The following FOXP2 variants were observed in gnomAD, a reference collection of about 807,000 sequenced individuals.
The protein encoded by FOXP2 is forkhead box protein P2.
FOXP2 carries 12 observed loss-of-function variants against 115.8 expected under a neutral mutation model. That is an observed-to-expected ratio of 0.10 (90% confidence interval 0.07 to 0.17). The LOEUF (loss-of-function observed/expected upper bound fraction) is 0.17, where lower values mean the gene tolerates loss of function less well. FOXP2 is among the 10% of genes least tolerant of loss of function. The pLI is 1.00. For synonymous variants in FOXP2, 328 were observed against 297.7 expected (o/e 1.10, Z -1.05); for missense variants, 629 against 843.5 (o/e 0.75, Z 3.15).
intron 2 of FOXP2, among the ~76,000 whole-genome samples, chr7:114,304,580 G>T (rs1796960248): frequency 7.0e-6 from 1 of 141,888 alleles, no homozygotes; most frequent in African/African-American, 2.6e-5. Context: ...TGAAACATGA[G>T]AATTGCTTGA....
chr7:114,691,156 G>A lies in FOXP2; in HGVS notation c.*1230G>A, dbSNP rs1443081564. The A allele has an allele frequency of 4.4e-6, 2 of 453,950 alleles. No individual in the cohort carries two copies. The highest frequency in any genetic ancestry group is 6.9e-5 in the East Asian group (1 of 14,394). The allele number at this position is 453,950 out of a possible 1,614,324, so 28.1% of individuals were successfully genotyped here. A position where few individuals can be genotyped will look rare whatever the true frequency, so the allele number is the denominator to read the frequency against. On this transcript the variant is annotated 3_prime_UTR_variant, in exon 17 of 17. Coordinates refer to ENST00000350908, the MANE Select transcript of FOXP2 (RefSeq NM_014491.4). ...TATATATATAGTACTTTGTGTTTTTGTTTTCCCTCATTCAGTCAGTTATTT... is the reference window on the plus strand; with the variant it reads ...TATATATATAGTACTTTGTGTTTTTATTTTCCCTCATTCAGTCAGTTATTT...
chr7:114,415,127 A>C lies in FOXP2; in HGVS notation c.-244A>C. On this transcript the variant is annotated 5_prime_UTR_variant, in exon 1 of 17. Coordinates refer to ENST00000350908, the MANE Select transcript of FOXP2 (RefSeq NM_014491.4). ...TGCTTGATTTGTTTTAATTACCAGC[A>C]CAAAATGCCATCAGTCTGGGACGTG... 1 of 454,354 alleles carries C rather than the reference A, an allele frequency of 2.2e-6. No homozygotes were observed. Among genetic ancestry groups the C allele is most frequent in the Non-Finnish European group, 4.4e-6 (1 of 226,698 alleles). The allele number at this position is 454,354 out of a possible 1,614,324, so 28.1% of individuals were successfully genotyped here.
At chr7:114,237,509 T>C (rs1445319313) in intron 1 of FOXP2, among the ~76,000 whole-genome samples, 1 of 152,206 alleles carries the variant, frequency 6.6e-6, no homozygotes, top group East Asian at 1.9e-4. Context: ...TTAAGCCTTA[T>C]ATTTTAATTA....
intron 1 of FOXP2, among the ~76,000 whole-genome samples, chr7:114,156,148 C>G (rs201799031): frequency 0.042 from 6,347 of 152,232 alleles, 185 homozygotes; most frequent in East Asian, 0.13. Context: ...AGATCTTATC[C>G]AGAAGCTGCT....
chr7:114,143,093 A>C (rs1210812362), intron 1 of FOXP2, among the ~76,000 whole-genome samples: 1 of 151,126 alleles, frequency 6.6e-6, no homozygotes, highest in Non-Finnish European at 1.5e-5. Context: ...GGCTGCCATG[A>C]GCTGTGGTTG....
chr7:114,584,767 C>A (rs1414824821), intron 3 of FOXP2, among the ~76,000 whole-genome samples: 2 of 152,168 alleles, frequency 1.3e-5, no homozygotes, highest in African/African-American at 4.8e-5. Context: ...CCTATCATGT[C>A]CTGGCTAAGG....
intron 3 of FOXP2, among the ~76,000 whole-genome samples, chr7:114,568,039 TTTAGA>T (rs1468602409): frequency 6.6e-6 from 1 of 152,100 alleles, no homozygotes; most frequent in Non-Finnish European, 1.5e-5. Flanking sequence ...TTCAGTAAAG[TTTAGA>T]TTAATTTGAC....
chr7:114,282,134 G>C (rs774278742), intron 1 of FOXP2, among the ~76,000 whole-genome samples: 1 of 152,102 alleles, frequency 6.6e-6, no homozygotes, highest in Non-Finnish European at 1.5e-5. Flanking sequence ...GATAATTTGA[G>C]AAACTCATGG....
intron 2 of FOXP2, among the ~76,000 whole-genome samples, chr7:114,485,525 AG>A (rs55960959): frequency 0.45 from 68,877 of 151,594 alleles, 15,795 homozygotes; most frequent in Admixed American, 0.52. Flanking sequence ...GAGGTATTTC[AG>A]GGTAAATGTT....
chr7:114,557,960 C>T (rs1800550116), intron 3 of FOXP2, among the ~76,000 whole-genome samples: 1 of 151,972 alleles, frequency 6.6e-6, no homozygotes, highest in Admixed American at 6.6e-5. Flanking sequence ...AGGTGCCCAC[C>T]ACCACACCTG....
intron 2 of FOXP2, among the ~76,000 whole-genome samples, chr7:114,491,851 G>C (rs1037926766): frequency 6.6e-6 from 1 of 152,098 alleles, no homozygotes; most frequent in Non-Finnish European, 1.5e-5. Flanking sequence ...ATGTTCATCA[G>C]GGATATTGGT....
intron 2 of FOXP2, among the ~76,000 whole-genome samples, chr7:114,313,139 A>G (rs540467072): frequency 2.6e-5 from 4 of 152,328 alleles, no homozygotes; most frequent in Non-Finnish European, 4.4e-5. Flanking sequence ...GACTCACTAC[A>G]TGCATCATTC....
chr7:114,382,949 T>C (rs1031558347), intron 2 of FOXP2, among the ~76,000 whole-genome samples: 1 of 152,178 alleles, frequency 6.6e-6, no homozygotes, highest in Non-Finnish European at 1.5e-5. Flanking sequence ...TTAGCAAATG[T>C]CTGCGGCACC....
At chr7:114,569,144 A>G (rs534567881) in intron 3 of FOXP2, among the ~76,000 whole-genome samples, 11 of 152,024 alleles carry the variant, frequency 7.2e-5, no homozygotes, top group Non-Finnish European at 1.0e-4. Flanking sequence ...TTGTTATGGT[A>G]TGGAATAGCA....
At chr7:114,524,114 A>G (rs1798751303) in intron 2 of FOXP2, among the ~76,000 whole-genome samples, 1 of 152,178 alleles carries the variant, frequency 6.6e-6, no homozygotes, top group Non-Finnish European at 1.5e-5. Context: ...TGCTTTATTT[A>G]TAGATGATAA....
intron 1 of FOXP2, among the ~76,000 whole-genome samples, chr7:114,163,402 C>A (rs1423891815): frequency 6.6e-6 from 1 of 151,814 alleles, no homozygotes; most frequent in Non-Finnish European, 1.5e-5. Flanking sequence ...TGCAGTTTTG[C>A]CATTATAATC....
intron 3 of FOXP2, among the ~76,000 whole-genome samples, chr7:114,624,467 GA>G (rs1804421048): frequency 6.6e-6 from 1 of 151,958 alleles, no homozygotes; most frequent in East Asian, 1.9e-4. Flanking sequence ...ATTTAGTGAA[GA>G]AAGAATTGGA....
At chr7:114,469,772 T>C (rs1307578871) in intron 2 of FOXP2, among the ~76,000 whole-genome samples, 1 of 152,172 alleles carries the variant, frequency 6.6e-6, no homozygotes, top group African/African-American at 2.4e-5. Flanking sequence ...AGATCTGTAA[T>C]AATTTTTTGC....
intron 10 of FOXP2, chr7:114,656,487 C>T (rs1319448590): frequency 2.2e-6 from 1 of 452,896 alleles, no homozygotes; most frequent in East Asian, 7.0e-5. Context: ...TTCTGCGTTT[C>T]TCAAACTATG....
Sources: allele counts gnomAD v4.1 joint callset (sites outside exome capture counted in the v4.1 genomes callset), GRCh38; gene constraint gnomAD v4.1.1; transcripts MANE v1.5; gene names NCBI Gene and HGNC (gene_info 2026-07-23, HGNC 2026-07-21).